The following RAD51B variants were observed in gnomAD, a reference collection of about 807,000 sequenced individuals.
The protein encoded by RAD51B is DNA repair protein RAD51 homolog 2.
A neutral mutation model predicts 42.2 loss-of-function variants in RAD51B; 38 were observed. The ratio of observed to expected loss-of-function variants is 0.90; its 90% CI spans 0.70 to 1.18. The LOEUF (loss-of-function observed/expected upper bound fraction) is 1.18. Among genes scored for constraint, RAD51B ranks in the 50% most tolerant of loss-of-function variants. The pLI, the probability that RAD51B is intolerant of heterozygous loss-of-function variation, is 0.00. For missense variants in RAD51B, 373 were observed against 400.7 expected, an observed-to-expected ratio of 0.93 and a Z score of 0.59; for synonymous variants, 154 against 145.2, an observed-to-expected ratio of 1.06 and a Z score of -0.43.
chr14:68,491,227 C>A (rs550750541), intron 10 of RAD51B, among the ~76,000 whole-genome samples: 3 of 152,114 alleles, frequency 2.0e-5, no homozygotes, highest in Non-Finnish European at 4.4e-5. Context: ...ACCCCAGGCC[C>A]GCAGCCGCCC....
intron 7 of RAD51B, among the ~76,000 whole-genome samples, chr14:68,270,680 G>T (rs117446394): frequency 6.6e-6 from 1 of 152,184 alleles, no homozygotes; most frequent in African/African-American, 2.4e-5. Flanking sequence ...CCTGGGAAAC[G>T]CCACTGACTT....
intron 7 of RAD51B, among the ~76,000 whole-genome samples, chr14:68,272,580 T>C (rs1215188802): frequency 1.5e-5 from 2 of 137,298 alleles, no homozygotes; most frequent in Non-Finnish European, 3.1e-5. Context: ...TTATTATGTT[T>C]TCTGTATAAA....
At chr14:67,849,111 C>T (rs2041718831) in intron 4 of RAD51B, among the ~76,000 whole-genome samples, 2 of 152,132 alleles carry the variant, frequency 1.3e-5, no homozygotes, top group Non-Finnish European at 2.9e-5. Context: ...ACATCTCTAG[C>T]AATATTAGGG....
At chr14:68,172,231 T>G (rs1373322791) in intron 7 of RAD51B, among the ~76,000 whole-genome samples, 1 of 152,180 alleles carries the variant, frequency 6.6e-6, no homozygotes, top group African/African-American at 2.4e-5. Context: ...AGAGAAATCC[T>G]TTGTCAGTAG....
At chr14:67,968,272 A>G (rs1310119708) in intron 7 of RAD51B, among the ~76,000 whole-genome samples, 6 of 152,188 alleles carry the variant, frequency 3.9e-5, no homozygotes, top group Non-Finnish European at 5.9e-5. Flanking sequence ...ATGAAGACCT[A>G]TGACATGCTC....
At chr14:67,929,810 T>C (rs555574638) in intron 7 of RAD51B, among the ~76,000 whole-genome samples, 1 of 151,962 alleles carries the variant, frequency 6.6e-6, no homozygotes, top group South Asian at 2.1e-4. Flanking sequence ...GTCTTTTTTT[T>C]TTGTGTTTTT....
intron 7 of RAD51B, among the ~76,000 whole-genome samples, chr14:68,080,554 A>G (rs2076897248): frequency 6.6e-6 from 1 of 152,192 alleles, no homozygotes; most frequent in Non-Finnish European, 1.5e-5. Flanking sequence ...AATGCAGATC[A>G]GTTTCCAAGG....
At chr14:68,030,254 A>G (rs1368671725) in intron 7 of RAD51B, among the ~76,000 whole-genome samples, 2 of 152,208 alleles carry the variant, frequency 1.3e-5, no homozygotes, top group Non-Finnish European at 2.9e-5. Context: ...CCAGGCACTG[A>G]CTTTTCCTCT....
chr14:68,563,721 G>T (rs1889270971), intron 10 of RAD51B: 1 of 985,280 alleles, frequency 1.0e-6, no homozygotes, highest in Non-Finnish European at 1.2e-6. Flanking sequence ...TTCTAAATGG[G>T]AACGAAAGAG....
chr14:67,915,686 A>G (rs1269158295), intron 7 of RAD51B, among the ~76,000 whole-genome samples: 4 of 152,200 alleles, frequency 2.6e-5, no homozygotes, highest in Non-Finnish European at 5.9e-5. Context: ...TTCTTATATA[A>G]GAGTTGGATT....
chr14:68,616,767 TTTTTG>T (rs779400201), intron 10 of RAD51B, among the ~76,000 whole-genome samples: 4 of 152,126 alleles, frequency 2.6e-5, no homozygotes, highest in African/African-American at 7.2e-5. Context: ...ATTTCTGGGT[TTTTTG>T]TTTTGTTTTG....
chr14:68,602,935 A>C (rs1373432610), intron 10 of RAD51B, among the ~76,000 whole-genome samples: 1 of 152,178 alleles, frequency 6.6e-6, no homozygotes, highest in Non-Finnish European at 1.5e-5. Context: ...AAACACCCAT[A>C]TGCCTGACAT....
intron 4 of RAD51B, among the ~76,000 whole-genome samples, chr14:67,861,910 TA>T (rs200859626): frequency 1.3e-5 from 2 of 150,548 alleles, no homozygotes; most frequent in African/African-American, 4.9e-5. Context: ...TCTGCACTCT[TA>T]AAAAATACTT....
At chr14:68,176,851 T>C (rs1034549292) in intron 7 of RAD51B, among the ~76,000 whole-genome samples, 1 of 152,180 alleles carries the variant, frequency 6.6e-6, no homozygotes, top group African/African-American at 2.4e-5. Context: ...AGAAGGCTTC[T>C]GGATTGTTTC....
intron 11 of RAD51B, among the ~76,000 whole-genome samples, chr14:68,661,117 G>A (rs11845281): frequency 0.043 from 6,525 of 152,262 alleles, 369 homozygotes; most frequent in African/African-American, 0.13. Flanking sequence ...CTTTTTGAAA[G>A]GAAAGAGGGG....
chr14:68,301,590 GTGTTT>G (rs769640046), intron 8 of RAD51B, among the ~76,000 whole-genome samples: 16 of 111,980 alleles, frequency 1.4e-4, no homozygotes, highest in Non-Finnish European at 2.6e-4. Context: ...TTTTGTTTGT[GTGTTT>G]TTTTTTTTTT....
At chr14:68,551,876 G>A (rs1407007220) in intron 10 of RAD51B, among the ~76,000 whole-genome samples, 1 of 152,180 alleles carries the variant, frequency 6.6e-6, no homozygotes, top group East Asian at 1.9e-4. Flanking sequence ...AAATGACAGA[G>A]CTGCGATTTG....
chr14:67,973,124 T>C (rs531824659), intron 7 of RAD51B, among the ~76,000 whole-genome samples: 40 of 152,254 alleles, frequency 2.6e-4, no homozygotes, highest in Middle Eastern at 3.4e-3. Flanking sequence ...TATCTAAGGC[T>C]GCTGAAAGGT....
intron 11 of RAD51B, among the ~76,000 whole-genome samples, chr14:68,654,516 C>T (rs906998588): frequency 1.3e-5 from 2 of 152,194 alleles, no homozygotes; most frequent in Non-Finnish European, 2.9e-5. Context: ...GGCAGATGGC[C>T]CTGAGCCTCA....
Sources: gnomAD v4.1 joint callset for allele counts (sites outside exome capture counted in the v4.1 genomes callset) on GRCh38, gnomAD v4.1.1 for gene constraint, MANE v1.5 for transcripts, NCBI Gene and HGNC (gene_info 2026-07-23, HGNC 2026-07-21) for gene names.